The following MAGI1 variants were observed in gnomAD, a reference collection of about 807,000 sequenced individuals.
The protein encoded by MAGI1 is membrane-associated guanylate kinase, WW and PDZ domain-containing protein 1.
Under a neutral mutation model 139.9 loss-of-function variants are expected in MAGI1, and 58 were observed. The observed-to-expected ratio is 0.41, with a 90% CI of 0.34 to 0.52. MAGI1 has a LOEUF of 0.52. Ranked by LOEUF, MAGI1 falls within the 20% of genes least tolerant of loss-of-function variation. The pLI, the probability that MAGI1 is intolerant of heterozygous loss-of-function variation, is 0.12. For synonymous variants in MAGI1, 812 were observed against 737.9 expected, an observed-to-expected ratio of 1.10 and a Z score of -1.63; for missense variants, 1,874 against 1,901.6, an observed-to-expected ratio of 0.99 and a Z score of 0.27.
intron 19 of MAGI1, 39 bp from the exon 20 acceptor site, chr3:65,364,764 T>C (rs1367843866): frequency 2.5e-6 from 4 of 1,608,806 alleles, no homozygotes; most frequent in South Asian, 2.2e-5. Flanking sequence ...AGCAACCCAT[T>C]AGCAAACTGA....
intron 1 of MAGI1, among the ~76,000 whole-genome samples, chr3:65,771,708 C>T (rs2037967929): frequency 6.6e-6 from 1 of 152,092 alleles, no homozygotes; most frequent in South Asian, 2.1e-4. Context: ...TAATAAAAAA[C>T]AAAATCTAAT....
chr3:65,397,969 T>C (rs1944526254), intron 13 of MAGI1, among the ~76,000 whole-genome samples: 1 of 152,200 alleles, frequency 6.6e-6, no homozygotes, highest in South Asian at 2.1e-4. Context: ...AAATACTTAT[T>C]GATGAAATGA....
chr3:65,923,125 T>G (rs1330885573), intron 1 of MAGI1, among the ~76,000 whole-genome samples: 2 of 152,164 alleles, frequency 1.3e-5, no homozygotes, highest in Non-Finnish European at 2.9e-5. Flanking sequence ...GCAAAAGATT[T>G]CTAATTCTTC....
chr3:65,534,756 C>A (rs2078880594), intron 2 of MAGI1, among the ~76,000 whole-genome samples: 1 of 152,210 alleles, frequency 6.6e-6, no homozygotes, highest in Non-Finnish European at 1.5e-5. Context: ...GAACCCAGGT[C>A]TGGCTGCCTC....
chr3:65,472,134 A>C (rs528828853), intron 4 of MAGI1, among the ~76,000 whole-genome samples: 2 of 152,328 alleles, frequency 1.3e-5, no homozygotes, highest in Middle Eastern at 3.4e-3. Flanking sequence ...ATCAACTATA[A>C]GTAAGGGAAC....
chr3:65,644,029 T>C (rs1167779476), intron 1 of MAGI1, among the ~76,000 whole-genome samples: 1 of 152,136 alleles, frequency 6.6e-6, no homozygotes, highest in African/African-American at 2.4e-5. Context: ...TCAGCACTTC[T>C]GCCCCACATA....
At chr3:65,728,951 A>C (rs935035859) in intron 1 of MAGI1, among the ~76,000 whole-genome samples, 12 of 152,116 alleles carry the variant, frequency 7.9e-5, no homozygotes, top group African/African-American at 2.9e-4. Context: ...ACTGTGTTTA[A>C]TAACTCTTGA....
intron 1 of MAGI1, among the ~76,000 whole-genome samples, chr3:65,995,280 A>G (rs1409001246): frequency 6.6e-6 from 1 of 152,196 alleles, no homozygotes; most frequent in Non-Finnish European, 1.5e-5. Flanking sequence ...TGGTCTAGAG[A>G]TGGACTTGTT....
At chr3:65,359,451 TG>T in intron 22 of MAGI1, 1 of 1,159,282 alleles carries the variant, frequency 8.6e-7, no homozygotes, top group Non-Finnish European at 1.1e-6. Context: ...TTCAAACAAC[TG>T]GAACAATGAC....
At chr3:65,523,340 T>C (rs576787854) in intron 2 of MAGI1, among the ~76,000 whole-genome samples, 1 of 151,438 alleles carries the variant, frequency 6.6e-6, no homozygotes, top group East Asian at 2.0e-4. Context: ...AGAGGGTTAC[T>C]GGAGTCACTA....
At chr3:65,844,796 C>T (rs1203332916) in intron 1 of MAGI1, among the ~76,000 whole-genome samples, 3 of 152,144 alleles carry the variant, frequency 2.0e-5, no homozygotes, top group African/African-American at 4.8e-5. Flanking sequence ...AATTAAATTA[C>T]GAAAAATGAT....
chr3:65,606,501 C>T (rs557697023), intron 2 of MAGI1, among the ~76,000 whole-genome samples: 61 of 151,022 alleles, frequency 4.0e-4, no homozygotes, highest in African/African-American at 1.4e-3. Flanking sequence ...CCACCACACC[C>T]GGATGTTTAT....
intron 1 of MAGI1, chr3:65,844,264 G>T: frequency 2.3e-6 from 1 of 426,910 alleles, no homozygotes; most frequent in South Asian, 1.8e-5. Context: ...CACCTAAGAT[G>T]TGCTACAGGA....
chr3:65,792,014 T>C (rs1320683725), intron 1 of MAGI1, among the ~76,000 whole-genome samples: 2 of 152,006 alleles, frequency 1.3e-5, no homozygotes, highest in Non-Finnish European at 2.9e-5. Context: ...AATACCCAAG[T>C]CTACGTATTT....
intron 5 of MAGI1, among the ~76,000 whole-genome samples, chr3:65,464,404 G>A (rs1950037515): frequency 6.6e-6 from 1 of 151,810 alleles, no homozygotes; most frequent in African/African-American, 2.4e-5. Context: ...TCACTGCCTT[G>A]GCTGTGTCCC....
At chr3:65,999,216 C>G (rs181191701) in intron 1 of MAGI1, among the ~76,000 whole-genome samples, 2 of 152,256 alleles carry the variant, frequency 1.3e-5, no homozygotes, top group East Asian at 3.9e-4. Flanking sequence ...TCCTGATGCT[C>G]TCCTCCGCAC....
chr3:65,376,062 G>A (rs1370657655), intron 17 of MAGI1, 117 bp from the exon 18 acceptor site: 5 of 739,580 alleles, frequency 6.8e-6, no homozygotes, highest in Non-Finnish European at 8.8e-6. Flanking sequence ...AAAGCATTAA[G>A]CAAATGTTAT....
chr3:65,798,482 C>A (rs980215404), intron 1 of MAGI1, among the ~76,000 whole-genome samples: 2 of 152,290 alleles, frequency 1.3e-5, no homozygotes, highest in Non-Finnish European at 2.9e-5. Context: ...AAGGAAGCCG[C>A]CAACTGTAGG....
At chr3:65,999,953 A>G (rs1041782991) in intron 1 of MAGI1, among the ~76,000 whole-genome samples, 1 of 145,718 alleles carries the variant, frequency 6.9e-6, no homozygotes, top group Non-Finnish European at 1.5e-5. Context: ...CTGGTTAATC[A>G]GGTCTTGTTC....
Sources: gnomAD v4.1 joint callset for allele counts (sites outside exome capture counted in the v4.1 genomes callset) on GRCh38, gnomAD v4.1.1 for gene constraint, MANE v1.5 for transcripts, NCBI Gene and HGNC (gene_info 2026-07-23, HGNC 2026-07-21) for gene names.